The following MVP variants were observed in gnomAD, a reference collection of about 807,000 sequenced individuals.
MVP encodes lung resistance-related protein.
A neutral mutation model predicts 83.5 loss-of-function variants in MVP; 62 were observed. That is an observed-to-expected ratio of 0.74 (90% CI 0.61 to 0.92). The LOEUF (loss-of-function observed/expected upper bound fraction) is 0.92, where lower values mean the gene tolerates loss of function less well. Among genes scored for constraint, MVP ranks in the 40% least tolerant of loss-of-function variants. MVP has a pLI of 0.00. For missense variants in MVP, 1,000 were observed against 1,203.4 expected (o/e 0.83, Z 2.50); for synonymous variants, 505 against 504.1 (o/e 1.00, Z -0.02).
Position 29,836,972 on chromosome 16 carries a change from A to G in MVP, c.909+14A>G. Reference sequence around the variant, plus strand: ...CGCGTGGTCAAGGTGAGGTCCCTACACCCCCACAGAGGACTGCCCTGGGAG... The same window carrying G: ...CGCGTGGTCAAGGTGAGGTCCCTACGCCCCCACAGAGGACTGCCCTGGGAG... On this transcript the variant is annotated intron_variant, in intron 7 of 14. Coordinates refer to ENST00000357402, the MANE Select transcript of MVP (RefSeq NM_005115.5). The G allele has an allele frequency of 6.3e-7, 1 of 1,597,602 alleles. No individual in the cohort carries two copies. Among genetic ancestry groups the G allele is most frequent in the East Asian group, 2.2e-5 (1 of 44,590 alleles).
chr16:29,840,051 G>A, intron 7 of MVP, 127 bp from the exon 8 acceptor site: 3 of 903,470 alleles, frequency 3.3e-6, no homozygotes, highest in Non-Finnish European at 5.0e-6. Flanking sequence ...ATGATGTGGG[G>A]GTGGGGGCGG....
At chr16:29,837,494 G>A (rs2067497397) in intron 7 of MVP, among the ~76,000 whole-genome samples, 2 of 152,112 alleles carry the variant, frequency 1.3e-5, no homozygotes, top group Non-Finnish European at 2.9e-5. Flanking sequence ...TGGCTCATAC[G>A]TGTAATCCCA....
At chr16:29,839,923 A>G (rs2067519626) in intron 7 of MVP, among the ~76,000 whole-genome samples, 1 of 151,554 alleles carries the variant, frequency 6.6e-6, no homozygotes, top group Non-Finnish European at 1.5e-5. Flanking sequence ...TTAATGGTTT[A>G]GCTTGCGTGG....
Position 29,840,376 on chromosome 16 carries a change from A to G in MVP, c.1108A>G (p.Lys370Glu). ...RGPLEYVPSA[K>E]VEVVEERQAI... ...ACCCCTGGAGTATGTGCCATCTGCC[A>G]AAGTGGAGGTGGTGGAGGAGCGCCA... Residue 370 changes from lysine (K) to glutamate (E), a missense_variant, in exon 8 of 15, where the codon AAA becomes GAA. Coordinates refer to ENST00000357402, the MANE Select transcript of MVP (RefSeq NM_005115.5). 6.2e-7 allele frequency: 1 copy of G among 1,601,556 alleles called. No individual in the cohort carries two copies. Among genetic ancestry groups the G allele is most frequent in the African/African-American group, 1.3e-5 (1 of 74,984 alleles).
chr16:29,831,204 T>G, intron 3 of MVP, 131 bp downstream of exon 3: 1 of 870,820 alleles, frequency 1.1e-6, no homozygotes, highest in Non-Finnish European at 1.7e-6. Flanking sequence ...TCGCCCAGGC[T>G]GGAGTGCAGT....
chr16:29,831,598 C>G (rs1389278617), intron 3 of MVP: 1 of 456,098 alleles, frequency 2.2e-6, no homozygotes, highest in African/African-American at 2.0e-5. Flanking sequence ...GCCCCAAACA[C>G]ACCTGCCTCT....
At chr16:29,831,361 C>T (rs1469976637) in intron 3 of MVP, among the ~76,000 whole-genome samples, 1 of 152,110 alleles carries the variant, frequency 6.6e-6, no homozygotes, top group Non-Finnish European at 1.5e-5. Flanking sequence ...ACCATGTTGG[C>T]CAGTCTGATC....
In MVP at chr16:29,828,453, C is replaced by G. The variant is rs563634378; in HGVS notation, c.-35-2062C>G. Among the ~76,000 whole-genome samples, 8 of 152,318 alleles carry G rather than the reference C, an allele frequency of 5.3e-5. No homozygotes were observed. The South Asian group carries it at 1.7e-3, about 32-fold the overall frequency. On this transcript the variant is annotated intron_variant, in intron 1 of 14. Coordinates refer to ENST00000357402, the MANE Select transcript of MVP (RefSeq NM_005115.5). ...GGAGTGCAATGGCACGATCTCTGCT[C>G]ACTGCAACCTCTGCCTCCCAGGTTC...
At chr16:29,832,261 C>A (rs2150753332) in intron 3 of MVP, among the ~76,000 whole-genome samples, 1 of 149,642 alleles carries the variant, frequency 6.7e-6, no homozygotes, top group Non-Finnish European at 1.5e-5. Flanking sequence ...CTTAAGGAAT[C>A]CAAGTGAAAA....
chr16:29,831,167 C>A (rs2067439502), intron 3 of MVP, 94 bp downstream of exon 3: 3 of 1,231,864 alleles, frequency 2.4e-6, no homozygotes, highest in African/African-American at 1.5e-5. Context: ...TTTTTCTTTT[C>A]TTTTTTGAGG....
At position 29,844,699 on chromosome 16, in the gene MVP, C is replaced by G. The variant is rs1451917397; in HGVS notation, c.1841C>G (p.Pro614Arg). ...TTTGAGACCTCGGAAGCGAAGGGCC[C>G]CGATGGCATGGCCCTGCCCAGGCCC... The part of the protein sequence containing the change: ...FGFETSEAKG[P>R]DGMALPRPRD... The change falls in exon 11 of 15, where the codon CCC (proline) becomes CGC (arginine). Residue 614 changes from proline (P) to arginine (R), a missense_variant. Transcript: ENST00000357402. 2 of 1,614,002 alleles carry G rather than the reference C, an allele frequency of 1.2e-6. No homozygotes were observed. The highest frequency in any genetic ancestry group is 3.3e-5 in the Admixed American group (2 of 60,024).
At position 29,848,006 on chromosome 16, in the gene MVP, T is replaced by G. The variant is rs1397011719; in HGVS notation, c.*17T>G. On this transcript the variant is annotated 3_prime_UTR_variant, in exon 15 of 15. Transcript: ENST00000357402. Reference sequence around the variant, plus strand: ...CTGCGCTAACTCCTGATTAATACAATGGAAGTTTCTGGGCATTTACAATTT... The same window carrying G: ...CTGCGCTAACTCCTGATTAATACAAGGGAAGTTTCTGGGCATTTACAATTT... The G allele has an allele frequency of 6.3e-7, 1 of 1,599,852 alleles. No homozygotes were observed. The highest frequency in any genetic ancestry group is 1.3e-5 in the African/African-American group (1 of 74,244).
In MVP at chr16:29,841,602, G is replaced by C. The variant is rs1285160292; in HGVS notation, c.1198G>C (p.Ala400Pro). The C allele has an allele frequency of 1.9e-6, 3 of 1,599,932 alleles. No homozygotes were observed. Among genetic ancestry groups the C allele is most frequent in the Non-Finnish European group, 2.6e-6 (3 of 1,172,298 alleles). The change falls in exon 9 of 15, where the codon GCT becomes CCT. Residue 400 changes from alanine (A) to proline (P), a missense_variant. Physicochemically the swap from Ala to Pro is conservative, Grantham distance 27. Coordinates refer to ENST00000357402, the MANE Select transcript of MVP (RefSeq NM_005115.5). This position sits in a 1 kb window ranked among gnomAD's most constrained non-coding sequence, Gnocchi z 4.7. Reference sequence around the variant, plus strand: ...TCCCTGTCCTCGTCCCAAGGTGCGCGCTGTGATTGGAAGCACCTACATGCT... The same window carrying C: ...TCCCTGTCCTCGTCCCAAGGTGCGCCCTGTGATTGGAAGCACCTACATGCT... ...VQDVKTGKVR[A>P]VIGSTYMLTQ...
intron 13 of MVP, 80 bp downstream of exon 13, chr16:29,846,364 T>C: frequency 6.9e-7 from 1 of 1,450,968 alleles, no homozygotes; most frequent in Non-Finnish European, 9.2e-7. Flanking sequence ...TGAGACTGTA[T>C]AGGACACCAG....
In MVP at chr16:29,824,911, TTTTC is replaced by T. The variant is rs928900949; in HGVS notation, c.-36+4409_-36+4412del. ...GATCCGGTCTCCCTCTTTTTTTTTT[TTTTC>T]TTTCTTTAAAGAGATGGGGCCTTGC... On this transcript the variant is annotated intron_variant, in intron 1 of 14. Coordinates refer to ENST00000357402, the MANE Select transcript of MVP (RefSeq NM_005115.5). 3.3e-5 allele frequency among the ~76,000 whole-genome samples: 5 copies of T among 152,106 alleles called. No individual in the cohort carries two copies. The East Asian group carries it at 5.8e-4, about 18-fold the overall frequency.
intron 11 of MVP, 29 bp downstream of exon 11, chr16:29,844,908 A>C: frequency 6.3e-7 from 1 of 1,578,902 alleles, no homozygotes; most frequent in South Asian, 1.1e-5. Context: ...TCGGCTGCCT[A>C]TAATGCCCAT....
At position 29,847,322 on chromosome 16, in the gene MVP, G is replaced by A. The variant is rs1447458483; in HGVS notation, c.2391G>A (p.Gln797=). Residue 797 remains glutamine (Q), a synonymous_variant, in exon 14 of 15, where the codon CAG becomes CAA. Coordinates refer to ENST00000357402, the MANE Select transcript of MVP (RefSeq NM_005115.5). The part of the protein sequence containing the change: ...LAEVEVKKFK[Q]MTEAIGPSTI... ...AGGTGGAGGTGAAGAAGTTCAAGCA[G>A]ATGACAGAGGCCATAGGCCCCAGCA... 1 of 1,609,422 alleles carries A rather than the reference G, an allele frequency of 6.2e-7. No individual in the cohort carries two copies. Among genetic ancestry groups the A allele is most frequent in the Non-Finnish European group, 8.5e-7 (1 of 1,178,396 alleles).
chr16:29,841,430 C>G lies in MVP; in HGVS notation c.1192-166C>G, dbSNP rs906922943. Among the ~76,000 whole-genome samples the G allele has an allele frequency of 6.6e-6, 1 of 152,170 alleles. No homozygotes were observed. The highest frequency in any genetic ancestry group is 1.5e-5 in the Non-Finnish European group (1 of 68,032). On this transcript the variant is annotated intron_variant, in intron 8 of 14. Transcript: ENST00000357402. The surrounding 1 kb of genome is among the most constrained non-coding windows in gnomAD (Gnocchi z 4.7). ...GGGTGAGGTAGTTAGCCCACGATGA[C>G]AGGGCCAGCAGATGGCAAACCCGGG...
At chr16:29,827,998 C>T (rs1163760338) in intron 1 of MVP, among the ~76,000 whole-genome samples, 2 of 152,112 alleles carry the variant, frequency 1.3e-5, no homozygotes, top group African/African-American at 4.8e-5. Flanking sequence ...CTTGCTCTGT[C>T]GCCCAGGGCT....
Sources: gnomAD v4.1 joint callset for allele counts (sites outside exome capture counted in the v4.1 genomes callset) on GRCh38, gnomAD v4.1.1 for gene constraint, Gnocchi (gnomAD v3.1) non-coding constraint, MANE v1.5 for transcripts, NCBI Gene and HGNC (gene_info 2026-07-23, HGNC 2026-07-21) for gene names.